TTC7A: variants seen among roughly 807,000 people sequenced by gnomAD.
TTC7A encodes tetratricopeptide repeat domain 7A, also known as tetratricopeptide repeat protein 7A.
TTC7A carries 110 observed loss-of-function variants against 103.7 expected under a neutral mutation model. The observed-to-expected ratio is 1.06, with a 90% CI of 0.91 to 1.24. The LOEUF is 1.24. Ranked by LOEUF, TTC7A falls within the 50% of genes most tolerant of loss-of-function variation. The pLI is 0.00. For synonymous variants in TTC7A, 521 were observed against 467.9 expected (o/e 1.11, Z -1.47); for missense variants, 1,340 against 1,116.3 (o/e 1.20, Z -2.86).
At chr2:47,023,550 T>A in intron 13 of TTC7A, 85 bp downstream of exon 13, 8 of 1,347,382 alleles carry the variant, frequency 5.9e-6, no homozygotes, top group Non-Finnish European at 7.4e-6. Flanking sequence ...CCCTCTGATG[T>A]GGGCAGAACA....
intron 15 of TTC7A, among the ~76,000 whole-genome samples, chr2:47,033,366 C>T (rs1007066930): frequency 2.6e-5 from 4 of 152,230 alleles, no homozygotes; most frequent in Non-Finnish European, 4.4e-5. Context: ...CTATTAGAGG[C>T]GTCTCTTTTC....
At chr2:47,038,336 T>C (rs545743555) in intron 15 of TTC7A, among the ~76,000 whole-genome samples, 1 of 152,000 alleles carries the variant, frequency 6.6e-6, no homozygotes, top group East Asian at 1.9e-4. Context: ...GGAGGGACAC[T>C]TGGGTCATCA....
Position 47,050,166 on chromosome 2 carries a change from C to G in TTC7A, c.2017+120C>G. The G allele has an allele frequency of 4.7e-6, 4 of 843,780 alleles. No homozygotes were observed. The Admixed American group carries it at 6.3e-5, about 13-fold the overall frequency. The allele number at this position is 843,780 out of a possible 1,614,324, so 52.3% of individuals were successfully genotyped here. ...CCAGCCGGGCCAAGCCCACCACTGG[C>G]TCCTTGCCAGCTCGGGCAACTTCTG... On this transcript the variant is annotated intron_variant, in intron 17 of 19. Transcript: ENST00000319190.
In TTC7A at chr2:47,043,066, G is replaced by T. The variant is rs184240934; in HGVS notation, c.1803-3249G>T. 3.4e-3 allele frequency among the ~76,000 whole-genome samples: 511 copies of T among 152,344 alleles called. 3 individuals are homozygous for T. Among genetic ancestry groups the T allele is most frequent in the Middle Eastern group, 0.027 (8 of 294 alleles). The stretch of plus-strand genomic sequence containing the variant: ...CCACCAGTCCTGACGGCATGCCAGG[G>T]CTCCGCCAGGCTTCCTGAAGAAATG... On this transcript the variant is annotated intron_variant, in intron 15 of 19. Coordinates refer to ENST00000319190, the MANE Select transcript of TTC7A (RefSeq NM_020458.4).
chr2:47,043,474 G>C (rs1476454857), intron 15 of TTC7A, among the ~76,000 whole-genome samples: 2 of 152,164 alleles, frequency 1.3e-5, no homozygotes, highest in Non-Finnish European at 2.9e-5. Context: ...CCGAGGCTCA[G>C]GGAGCTGCTA....
intron 1 of TTC7A, among the ~76,000 whole-genome samples, chr2:46,943,146 G>A (rs945773580): frequency 6.6e-6 from 1 of 152,100 alleles, no homozygotes; most frequent in African/African-American, 2.4e-5. Flanking sequence ...GAAGCATTCC[G>A]CCCACCTGGG....
chr2:46,988,387 C>G (rs572139032), intron 5 of TTC7A, among the ~76,000 whole-genome samples: 1 of 152,298 alleles, frequency 6.6e-6, no homozygotes, highest in South Asian at 2.1e-4. Flanking sequence ...GACCTTGTCC[C>G]CTGATTCACC....
At chr2:46,980,500 CTG>C (rs1439914423) in intron 5 of TTC7A, among the ~76,000 whole-genome samples, 1 of 152,238 alleles carries the variant, frequency 6.6e-6, no homozygotes, top group African/African-American at 2.4e-5. Flanking sequence ...GCGTGAGCCA[CTG>C]TGCCTGGCCC....
At chr2:46,997,025 C>G (rs909172140) in intron 8 of TTC7A, among the ~76,000 whole-genome samples, 5 of 152,072 alleles carry the variant, frequency 3.3e-5, no homozygotes, top group African/African-American at 9.7e-5. Context: ...ATCGTTCAGA[C>G]TGGAGTGCAG....
At chr2:46,951,922 T>C (rs1002905922) in intron 2 of TTC7A, among the ~76,000 whole-genome samples, 1 of 152,022 alleles carries the variant, frequency 6.6e-6, no homozygotes, top group Non-Finnish European at 1.5e-5. Flanking sequence ...GTGATAGGAG[T>C]GCTATCCACG....
At chr2:47,049,922 G>T (rs183610265) in intron 16 of TTC7A, 27 bp from the exon 17 acceptor site, 1 of 1,590,846 alleles carries the variant, frequency 6.3e-7, no homozygotes, top group African/African-American at 1.3e-5. Context: ...CTACCTTACC[G>T]GACCCTGGCC....
chr2:46,936,773 T>G (rs1170220143), upstream of TTC7A, among the ~76,000 whole-genome samples: 1 of 152,192 alleles, frequency 6.6e-6, no homozygotes, highest in Non-Finnish European at 1.5e-5. Flanking sequence ...CACTTTAGAA[T>G]GCAAAGTGAA....
At chr2:46,942,489 T>G (rs921996429) in intron 1 of TTC7A, among the ~76,000 whole-genome samples, 1 of 152,108 alleles carries the variant, frequency 6.6e-6, no homozygotes, top group Non-Finnish European at 1.5e-5. Context: ...CAGATATAAA[T>G]AATTTTTAAA....
intron 11 of TTC7A, among the ~76,000 whole-genome samples, chr2:47,018,701 A>T (rs1296850838): frequency 1.3e-5 from 2 of 152,050 alleles, no homozygotes; most frequent in African/African-American, 4.8e-5. Flanking sequence ...ATAGATATAT[A>T]AATTACAACT....
chr2:47,067,589 A>T (rs1684284541), intron 19 of TTC7A, among the ~76,000 whole-genome samples: 1 of 152,184 alleles, frequency 6.6e-6, no homozygotes, highest in African/African-American at 2.4e-5. Context: ...CTGGCTCTGG[A>T]GGAGGCACCT....
At chr2:47,021,751 C>T (rs1312007609) in intron 11 of TTC7A, 111 bp from the exon 12 acceptor site, 2 of 831,156 alleles carry the variant, frequency 2.4e-6, no homozygotes, top group Non-Finnish European at 4.1e-6. Flanking sequence ...AGAGTAAGGC[C>T]CTGTGACCTT....
chr2:46,982,335 C>A (rs1025944734), intron 5 of TTC7A, among the ~76,000 whole-genome samples: 1 of 151,996 alleles, frequency 6.6e-6, no homozygotes, highest in African/African-American at 2.4e-5. Context: ...GATTGTGCCA[C>A]TGCACTACAG....
chr2:47,040,487 C>T (rs1192186737), intron 15 of TTC7A: 1 of 152,270 alleles, frequency 6.6e-6, no homozygotes, highest in Non-Finnish European at 1.5e-5. Flanking sequence ...AGAGGGGTCA[C>T]AGCGAGCATG....
At chr2:46,961,289 T>C (rs965644848) in intron 3 of TTC7A, among the ~76,000 whole-genome samples, 1 of 152,150 alleles carries the variant, frequency 6.6e-6, no homozygotes, top group Non-Finnish European at 1.5e-5. Context: ...GTATTAAAAA[T>C]AATCAGGCCG....
Sources: allele counts gnomAD v4.1 joint callset (sites outside exome capture counted in the v4.1 genomes callset), GRCh38; gene constraint gnomAD v4.1.1; transcripts MANE v1.5; gene names NCBI Gene and HGNC (gene_info 2026-07-23, HGNC 2026-07-21).